The following FAM162A variants were observed in gnomAD, a reference collection of about 807,000 sequenced individuals.
The protein encoded by FAM162A is family with sequence similarity 162 member A.
FAM162A carries 23 observed loss-of-function variants against 21.8 expected under a neutral mutation model. That is an observed-to-expected ratio of 1.05 (90% confidence interval 0.76 to 1.49). The LOEUF (loss-of-function observed/expected upper bound fraction) is 1.49, where lower values mean the gene tolerates loss of function less well. Ranked by LOEUF, FAM162A falls within the 40% of genes most tolerant of loss-of-function variation. The pLI is 0.00. For missense variants in FAM162A, 165 were observed against 186.4 expected (o/e 0.89, Z 0.67); for synonymous variants, 53 against 61.3 (o/e 0.86, Z 0.64).
chr3:122,400,057 C>A (rs1017635538), intron 1 of FAM162A, among the ~76,000 whole-genome samples: 2 of 152,012 alleles, frequency 1.3e-5, no homozygotes, highest in African/African-American at 4.8e-5. Context: ...TGAGCTGAGA[C>A]CACACCATTG....
intron 3 of FAM162A, among the ~76,000 whole-genome samples, chr3:122,406,112 A>T (rs72956575): frequency 1.8e-4 from 27 of 152,326 alleles, no homozygotes; most frequent in African/African-American, 6.3e-4. Flanking sequence ...TAAAAGTAAT[A>T]TATGTTAAAT....
intron 1 of FAM162A, among the ~76,000 whole-genome samples, chr3:122,387,243 A>G (rs1053123702): frequency 2.0e-5 from 3 of 152,254 alleles, no homozygotes; most frequent in Non-Finnish European, 4.4e-5. Flanking sequence ...TTATTAGTTC[A>G]AAGGAATGGA....
chr3:122,406,014 G>A (rs773220921), intron 3 of FAM162A, among the ~76,000 whole-genome samples: 1 of 152,054 alleles, frequency 6.6e-6, no homozygotes, highest in Non-Finnish European at 1.5e-5. Flanking sequence ...CATTGTACAT[G>A]GCTTCATCAT....
chr3:122,393,477 A>T (rs1414876121), intron 1 of FAM162A, among the ~76,000 whole-genome samples: 1 of 152,166 alleles, frequency 6.6e-6, no homozygotes, highest in Non-Finnish European at 1.5e-5. Context: ...AATCACAGTT[A>T]CTTTGAAAAC....
intron 3 of FAM162A, 118 bp from the exon 4 acceptor site, chr3:122,407,163 C>A: frequency 1.4e-6 from 1 of 736,394 alleles, no homozygotes; most frequent in East Asian, 2.7e-5. Context: ...CTCTAGGTCT[C>A]CCTATTTATA....
intron 4 of FAM162A, among the ~76,000 whole-genome samples, chr3:122,409,191 G>T (rs114921420): frequency 6.6e-6 from 1 of 152,084 alleles, no homozygotes; most frequent in Non-Finnish European, 1.5e-5. Context: ...GGAAGAGGAC[G>T]GTTGCCTCCC....
At chr3:122,400,172 C>A (rs2075646510) in intron 1 of FAM162A, among the ~76,000 whole-genome samples, 1 of 152,162 alleles carries the variant, frequency 6.6e-6, no homozygotes, top group Non-Finnish European at 1.5e-5. Flanking sequence ...GCCCATATAA[C>A]CATGGAATAC....
intron 1 of FAM162A, among the ~76,000 whole-genome samples, chr3:122,396,962 CAG>C (rs2075631399): frequency 2.1e-5 from 3 of 145,318 alleles, no homozygotes; most frequent in East Asian, 4.1e-4. Flanking sequence ...AAGGAGGAAA[CAG>C]GGAATGACTG....
Position 122,409,754 on chromosome 3 carries a change from G to T in FAM162A, c.388G>T (p.Glu130Ter), listed in dbSNP as rs753520254. The T allele has an allele frequency of 2.5e-6, 4 of 1,614,038 alleles. No homozygotes were observed. The highest frequency in any genetic ancestry group is 3.4e-6 in the Non-Finnish European group (4 of 1,179,954). ...IEGKKAAQRH[E>*]TLTSLNLEKK... Reference sequence around the variant, plus strand: ...TTTGCTTTAGGCTGCCCAAAGACACGAGACTTTAACAAGCTTGAACTTAGA... The same window carrying T: ...TTTGCTTTAGGCTGCCCAAAGACACTAGACTTTAACAAGCTTGAACTTAGA... Residue 130 changes from glutamate (E) to a stop codon, truncating the protein, a stop_gained, in exon 5 of 5, where the codon GAG becomes TAG. Transcript: ENST00000477892. LOFTEE classifies it high-confidence loss of function.
At chr3:122,407,611 T>A (rs1560002971) in intron 4 of FAM162A, 2 of 510,252 alleles carry the variant, frequency 3.9e-6, no homozygotes, top group Non-Finnish European at 7.0e-6. Flanking sequence ...GAAGAAGGAC[T>A]AGATTCATTT....
chr3:122,405,224 A>G (rs931379485), intron 3 of FAM162A, among the ~76,000 whole-genome samples: 1 of 152,200 alleles, frequency 6.6e-6, no homozygotes, highest in Non-Finnish European at 1.5e-5. Context: ...CTTCAGACAA[A>G]GCTCGTGGAA....
chr3:122,409,573 G>A (rs761252622), intron 4 of FAM162A, among the ~76,000 whole-genome samples, 166 bp from the exon 5 acceptor site: 11 of 152,060 alleles, frequency 7.2e-5, no homozygotes, highest in East Asian at 3.9e-4. Context: ...TCTTGGAAGC[G>A]TACGAGGAAG....
rs942427088 is a variant in FAM162A, at chr3:122,384,182, A to T, written c.-84A>T. 6.5e-7 allele frequency: 1 copy of T among 1,530,160 alleles called. No homozygotes were observed. The highest frequency in any genetic ancestry group is 1.4e-5 in the African/African-American group (1 of 72,422). The allele number at this position is 1,530,160 out of a possible 1,614,324, so 94.8% of individuals were successfully genotyped here. ...CCCCGGCGCCGCCTGCGTCCTTCCC[A>T]CTCCAACGCTGGGTGACATTGAGCT... On this transcript the variant is annotated 5_prime_UTR_variant, in exon 1 of 5. Coordinates refer to ENST00000477892, the MANE Select transcript of FAM162A (RefSeq NM_014367.4).
Position 122,407,705 on chromosome 3 carries a change from C to G in FAM162A, c.372+316C>G, listed in dbSNP as rs902023525. 4 of 408,264 alleles carry G rather than the reference C, an allele frequency of 9.8e-6. No individual in the cohort carries two copies. In the South Asian group the frequency reaches 1.7e-4, roughly 18 times the overall value. 25.3% of individuals were successfully genotyped at this position (408,264 alleles called of 1,614,324 possible). A position where few individuals can be genotyped will look rare whatever the true frequency, so the allele number is the denominator to read the frequency against. On this transcript the variant is annotated intron_variant, in intron 4 of 4. Transcript: ENST00000477892. Reference sequence around the variant, plus strand: ...AATAGGACACTGGCATATTTAATCACCCACTGCATATTTCCAGAGTGCTCT... The same window carrying G: ...AATAGGACACTGGCATATTTAATCAGCCACTGCATATTTCCAGAGTGCTCT...
Position 122,402,736 on chromosome 3 carries a change from G to T in FAM162A, c.35-24G>T. 6 of 1,429,520 alleles carry T rather than the reference G, an allele frequency of 4.2e-6. No homozygotes were observed. The South Asian group carries it at 4.6e-5, about 11-fold the overall frequency. The allele number at this position is 1,429,520 out of a possible 1,614,324, so 88.6% of individuals were successfully genotyped here. A position where few individuals can be genotyped will look rare whatever the true frequency, so the allele number is the denominator to read the frequency against. On this transcript the variant is annotated intron_variant, in intron 1 of 4. Transcript: ENST00000477892. ...TCACATTTTCTTTCTTTCTTTCTTT[G>T]AAACATTTTCCTCTCTTTTTTAGGA...
chr3:122,401,181 G>A (rs1387288214), intron 1 of FAM162A, among the ~76,000 whole-genome samples: 3 of 151,892 alleles, frequency 2.0e-5, no homozygotes, highest in Non-Finnish European at 4.4e-5. Context: ...ATTATTATAT[G>A]TATATATCAA....
At chr3:122,394,685 A>C (rs900073924) in intron 1 of FAM162A, among the ~76,000 whole-genome samples, 1 of 152,242 alleles carries the variant, frequency 6.6e-6, no homozygotes, top group Non-Finnish European at 1.5e-5. Context: ...AGATGGCTTC[A>C]ATTGTGCATT....
At chr3:122,405,462 C>G (rs139743618) in intron 3 of FAM162A, among the ~76,000 whole-genome samples, 7 of 152,298 alleles carry the variant, frequency 4.6e-5, no homozygotes, top group Non-Finnish European at 8.8e-5. Context: ...TTTCTTAGCT[C>G]AAGTCATGTA....
chr3:122,389,989 T>G (rs563633299), intron 1 of FAM162A, among the ~76,000 whole-genome samples: 19 of 152,166 alleles, frequency 1.2e-4, no homozygotes, highest in Non-Finnish European at 2.6e-4. Context: ...ATTTTTTTAA[T>G]TAGCTAGACA....
Sources: allele counts gnomAD v4.1 joint callset (sites outside exome capture counted in the v4.1 genomes callset), GRCh38; gene constraint gnomAD v4.1.1; transcripts MANE v1.5; gene names NCBI Gene and HGNC (gene_info 2026-07-23, HGNC 2026-07-21).